The following MDFIC2 variants were observed in gnomAD, a reference collection of about 807,000 sequenced individuals.
The protein encoded by MDFIC2 is MyoD family inhibitor domain containing 2.
At chr3:70,247,604 A>G (rs936990901) in intron 2 of MDFIC2, among the ~76,000 whole-genome samples, 8 of 151,952 alleles carry the variant, frequency 5.3e-5, no homozygotes, top group Non-Finnish European at 1.2e-4. Context: ...TTAATATATA[A>G]CATTATATCT....
chr3:70,244,190 C>T (rs997459740), intron 2 of MDFIC2, among the ~76,000 whole-genome samples: 1 of 152,154 alleles, frequency 6.6e-6, no homozygotes, highest in Non-Finnish European at 1.5e-5. Context: ...TTGCTGAGGA[C>T]CAATTTTAAC....
Position 70,277,630 on chromosome 3 carries a change from A to G in MDFIC2, c.88+34256T>C, listed in dbSNP as rs556549652. On this transcript the variant is annotated intron_variant, in intron 2 of 3. Transcript: ENST00000567252. ...TACTTCAAAACTGCTACTTGGTTTT[A>G]TGGTTTATTTCTTCTAATGAAAGTA... 1.0e-3 allele frequency among the ~76,000 whole-genome samples: 154 copies of G among 152,236 alleles called. 1 individual carries two copies. Among genetic ancestry groups the G allele is most frequent in the African/African-American group, 3.5e-3 (144 of 41,532 alleles).
intron 2 of MDFIC2, among the ~76,000 whole-genome samples, chr3:70,271,625 A>C: frequency 6.6e-6 from 1 of 152,180 alleles, no homozygotes; most frequent in East Asian, 1.9e-4. Context: ...AAAACAATAG[A>C]CCCAGCTAAG....
chr3:70,250,410 CTCA>C (rs1701750619), intron 2 of MDFIC2, among the ~76,000 whole-genome samples: 1 of 41,230 alleles, frequency 2.4e-5, no homozygotes, highest in Non-Finnish European at 4.5e-5. Flanking sequence ...TTTAATGAAT[CTCA>C]CACACACACA....
At chr3:70,305,677 A>C (rs1212833684) in intron 2 of MDFIC2, among the ~76,000 whole-genome samples, 1 of 152,252 alleles carries the variant, frequency 6.6e-6, no homozygotes, top group Non-Finnish European at 1.5e-5. Flanking sequence ...TGCATATTTC[A>C]GAATTCTATT....
At chr3:70,257,876 GT>G (rs1701831556) in intron 2 of MDFIC2, among the ~76,000 whole-genome samples, 1 of 152,102 alleles carries the variant, frequency 6.6e-6, no homozygotes, top group Non-Finnish European at 1.5e-5. Flanking sequence ...GATTTCCAAA[GT>G]TGCAATAAAG....
chr3:70,206,867 T>G (rs1260338962), intron 2 of MDFIC2, 77 bp from the exon 3 acceptor site: 1 of 395,974 alleles, frequency 2.5e-6, no homozygotes, highest in Non-Finnish European at 4.5e-6. Context: ...ATGCAGAAAT[T>G]TTCACATTTG....
chr3:70,244,106 C>T lies in MDFIC2; in HGVS notation c.89-37316G>A, dbSNP rs114932189. On this transcript the variant is annotated intron_variant, in intron 2 of 3. Transcript: ENST00000567252. ...CCTAACCTCCCTGCTCTTCGGTTTC[C>T]CCCACTGGTTTTCTTTGGCTCAAAT... Among the ~76,000 whole-genome samples, 1,285 of 152,256 alleles carry T rather than the reference C, an allele frequency of 8.4e-3. 20 individuals carry two copies. Among genetic ancestry groups the T allele is most frequent in the African/African-American group, 0.029 (1,210 of 41,542 alleles).
chr3:70,270,724 T>C (rs1223373523), intron 2 of MDFIC2, among the ~76,000 whole-genome samples: 1 of 152,210 alleles, frequency 6.6e-6, no homozygotes, highest in Non-Finnish European at 1.5e-5. Context: ...GACGAGTTCA[T>C]GTCCTTTGCC....
intron 2 of MDFIC2, among the ~76,000 whole-genome samples, chr3:70,282,432 T>C (rs928706828): frequency 3.9e-5 from 6 of 152,148 alleles, no homozygotes; most frequent in Non-Finnish European, 7.4e-5. Flanking sequence ...ATTTTCCCTA[T>C]CTCTCAAATG....
chr3:70,291,180 G>T (rs999888482), intron 2 of MDFIC2: 1 of 152,098 alleles, frequency 6.6e-6, no homozygotes, highest in Non-Finnish European at 1.5e-5. Context: ...AACATCCAGG[G>T]CCCTGGAGCC....
chr3:70,260,073 G>A (rs1701851310), intron 2 of MDFIC2, among the ~76,000 whole-genome samples: 1 of 152,128 alleles, frequency 6.6e-6, no homozygotes, highest in Non-Finnish European at 1.5e-5. Context: ...ATGAGATTTG[G>A]GTGGGGACAC....
At position 70,215,057 on chromosome 3, in the gene MDFIC2, A is replaced by G. The variant is rs572897033; in HGVS notation, c.89-8267T>C. On this transcript the variant is annotated intron_variant, in intron 2 of 3. Coordinates refer to ENST00000567252, the MANE Select transcript of MDFIC2 (RefSeq NM_001364677.1). ...TAAATATAAATGTTAAAAATAAACCATAATTATTCAAAATATTCTCTATTA... is the reference window on the plus strand; with the variant it reads ...TAAATATAAATGTTAAAAATAAACCGTAATTATTCAAAATATTCTCTATTA... 2.0e-4 allele frequency among the ~76,000 whole-genome samples: 31 copies of G among 152,272 alleles called. No individual in the cohort carries two copies. In the East Asian group the frequency reaches 5.2e-3, roughly 26 times the overall value.
At chr3:70,216,582 A>G (rs912961060) in intron 2 of MDFIC2, among the ~76,000 whole-genome samples, 1 of 152,092 alleles carries the variant, frequency 6.6e-6, no homozygotes, top group African/African-American at 2.4e-5. Context: ...AATAGGCTAT[A>G]CTATCTAGAT....
intron 2 of MDFIC2, among the ~76,000 whole-genome samples, chr3:70,273,776 G>A (rs552827654): frequency 6.6e-6 from 1 of 152,282 alleles, no homozygotes; most frequent in South Asian, 2.1e-4. Flanking sequence ...AATGTAGAAA[G>A]AGGTCCAGAA....
chr3:70,290,641 G>A (rs181612260), intron 2 of MDFIC2, among the ~76,000 whole-genome samples: 3 of 152,290 alleles, frequency 2.0e-5, no homozygotes, highest in Non-Finnish European at 2.9e-5. Context: ...GGGCAATGGC[G>A]GGCGCCCCTC....
At chr3:70,295,724 T>C (rs1398478575) in intron 2 of MDFIC2, among the ~76,000 whole-genome samples, 1 of 152,122 alleles carries the variant, frequency 6.6e-6, no homozygotes, top group Non-Finnish European at 1.5e-5. Context: ...ATACAAATAC[T>C]ACAATGCAAA....
rs552860084 is a variant in MDFIC2 at position 70,252,556 on chromosome 3, A to G, written c.89-45766T>C. 4.6e-5 allele frequency among the ~76,000 whole-genome samples: 7 copies of G among 152,304 alleles called. No individual in the cohort carries two copies. In the East Asian group the frequency reaches 1.4e-3, roughly 29 times the overall value. On this transcript the variant is annotated intron_variant, in intron 2 of 3. Transcript: ENST00000567252. ...AGCTAAGTGAGGCTAGGCAAACAAT[A>G]TAAATCAATAAAGTGGGCCAGATAA...
rs201139072 is a variant in MDFIC2 at position 70,274,463 on chromosome 3, A to G, written c.88+37423T>C. On this transcript the variant is annotated intron_variant, in intron 2 of 3. Coordinates refer to ENST00000567252, the MANE Select transcript of MDFIC2 (RefSeq NM_001364677.1). Reference sequence around the variant, plus strand: ...TCAGTGTTACAAGATATATTTGAAAAGTATTTTTCTCCAAATAATTAATGT... The same window carrying G: ...TCAGTGTTACAAGATATATTTGAAAGGTATTTTTCTCCAAATAATTAATGT... Among the ~76,000 whole-genome samples, 5 of 151,970 alleles carry G rather than the reference A, an allele frequency of 3.3e-5. No individual in the cohort carries two copies. In the East Asian group the frequency reaches 5.8e-4, roughly 18 times the overall value.
Sources: gnomAD v4.1 joint callset for allele counts (sites outside exome capture counted in the v4.1 genomes callset) on GRCh38, gnomAD v4.1.1 for gene constraint, MANE v1.5 for transcripts, NCBI Gene and HGNC (gene_info 2026-07-23, HGNC 2026-07-21) for gene names.